Variants in DOCK1 observed in about 807,000 individuals in gnomAD.
DOCK1 encodes the protein dedicator of cytokinesis 1, also known as dedicator of cytokinesis protein 1.
DOCK1 carries 138 observed loss-of-function variants against 262.7 expected under a neutral mutation model. The ratio of observed to expected loss-of-function variants is 0.53; its 90% confidence interval spans 0.46 to 0.61. DOCK1 has a LOEUF of 0.61. Ranked by LOEUF, DOCK1 falls within the 20% of genes least tolerant of loss-of-function variation. DOCK1 has a pLI of 0.00. For missense variants in DOCK1, 1,908 were observed against 2,370.7 expected, an observed-to-expected ratio of 0.80 and a Z score of 4.05; for synonymous variants, 866 against 867.4, an observed-to-expected ratio of 1.00 and a Z score of 0.03.
At chr10:127,046,347 C>T (rs139091522) in intron 21 of DOCK1, among the ~76,000 whole-genome samples, 3 of 152,270 alleles carry the variant, frequency 2.0e-5, no homozygotes, top group East Asian at 1.9e-4. Flanking sequence ...CTGCAGACTT[C>T]GCCTCTTCAG....
intron 21 of DOCK1, among the ~76,000 whole-genome samples, chr10:127,050,120 C>G (rs2044621179): frequency 6.6e-6 from 1 of 151,530 alleles, no homozygotes; most frequent in Non-Finnish European, 1.5e-5. Context: ...TGTATTTTTA[C>G]TAGTCAGATC....
At chr10:127,381,850 A>T (rs1029802811) in intron 37 of DOCK1, among the ~76,000 whole-genome samples, 2 of 152,174 alleles carry the variant, frequency 1.3e-5, no homozygotes, top group Non-Finnish European at 2.9e-5. Flanking sequence ...TGATTCTTCT[A>T]AGGAGTGTTG....
At chr10:127,081,202 A>G (rs1383415051) in intron 23 of DOCK1, among the ~76,000 whole-genome samples, 1 of 152,112 alleles carries the variant, frequency 6.6e-6, no homozygotes, top group East Asian at 1.9e-4. Flanking sequence ...CTTCAAATGC[A>G]GCCATTTGAA....
At chr10:127,094,006 C>G (rs1243924995) in intron 23 of DOCK1, among the ~76,000 whole-genome samples, 5 of 152,212 alleles carry the variant, frequency 3.3e-5, no homozygotes, top group Admixed American at 6.5e-5. Flanking sequence ...CCAGTCCTCC[C>G]TATGTGGCTG....
At chr10:127,245,819 C>T (rs1017729335) in intron 27 of DOCK1, among the ~76,000 whole-genome samples, 2 of 152,154 alleles carry the variant, frequency 1.3e-5, no homozygotes, top group African/African-American at 4.8e-5. Context: ...TTAAGCTAAG[C>T]ACATTGATAC....
intron 21 of DOCK1, among the ~76,000 whole-genome samples, chr10:127,048,128 C>G (rs898218762): frequency 4.6e-5 from 7 of 152,178 alleles, no homozygotes; most frequent in Admixed American, 2.0e-4. Flanking sequence ...TGCATTCCCA[C>G]CAGCAATCTG....
intron 1 of DOCK1, among the ~76,000 whole-genome samples, chr10:126,963,675 C>T (rs1036540193): frequency 8.1e-6 from 1 of 123,822 alleles, no homozygotes; most frequent in Non-Finnish European, 1.7e-5. Context: ...TCCTTCCTCC[C>T]TCCCTTCCTC....
At chr10:127,086,624 ACTG>A (rs1221832549) in intron 23 of DOCK1, among the ~76,000 whole-genome samples, 2 of 152,178 alleles carry the variant, frequency 1.3e-5, no homozygotes, top group Admixed American at 6.5e-5. Flanking sequence ...ATTAAAAAAA[ACTG>A]CTAATATTAT....
At chr10:127,105,916 A>G (rs1421303109) in intron 23 of DOCK1, among the ~76,000 whole-genome samples, 1 of 151,950 alleles carries the variant, frequency 6.6e-6, no homozygotes, top group African/African-American at 2.4e-5. Flanking sequence ...CAAGCCACCA[A>G]TGCCTGGCTA....
At chr10:127,006,323 C>T (rs767020523) in intron 10 of DOCK1, among the ~76,000 whole-genome samples, 53 of 152,346 alleles carry the variant, frequency 3.5e-4, no homozygotes, top group Non-Finnish European at 6.5e-4. Flanking sequence ...AACGCCACTG[C>T]CTCCTTCCTT....
In DOCK1 at chr10:126,934,468, GTAACAC is replaced by G. The variant is rs1259604460; in HGVS notation, c.46+28907_46+28912del. Among the ~76,000 whole-genome samples, 440 of 152,318 alleles carry G rather than the reference GTAACAC, an allele frequency of 2.9e-3. 3 individuals carry two copies. The highest frequency in any genetic ancestry group is 5.6e-3 in the Non-Finnish European group (383 of 68,032). On this transcript the variant is annotated intron_variant, in intron 1 of 51. Coordinates refer to ENST00000623213, the MANE Select transcript of DOCK1 (RefSeq NM_001290223.2). ...CCATTCGACTCACTTTTTCATAATC[GTAACAC>G]TTGGTCGTTTAGAATCCAAAGCTGA...
At chr10:126,941,690 G>T in intron 1 of DOCK1, among the ~76,000 whole-genome samples, 1 of 152,064 alleles carries the variant, frequency 6.6e-6, no homozygotes, top group East Asian at 2.0e-4. Flanking sequence ...GGGAGGCGGA[G>T]CTTGCAGTGA....
chr10:127,070,097 G>T (rs528467705), intron 23 of DOCK1, among the ~76,000 whole-genome samples: 7 of 151,974 alleles, frequency 4.6e-5, no homozygotes, highest in Non-Finnish European at 7.4e-5. Flanking sequence ...CTCTCCCTGT[G>T]TGTCTGTCTT....
chr10:127,318,631 G>A (rs556231088), intron 29 of DOCK1, among the ~76,000 whole-genome samples: 13 of 152,360 alleles, frequency 8.5e-5, no homozygotes, highest in African/African-American at 2.6e-4. Flanking sequence ...TGCTTTGGGT[G>A]TGGCATGGCA....
At chr10:127,362,885 C>CCCCA (rs1565026712) in intron 33 of DOCK1, among the ~76,000 whole-genome samples, 8 of 10,974 alleles carry the variant, frequency 7.3e-4, no homozygotes, top group Admixed American at 8.2e-4. Context: ...ATACACATCC[C>CCCCA]CACACACACA....
chr10:126,990,497 T>C lies in DOCK1; in HGVS notation c.367T>C (p.Tyr123His). Residue 123 changes from tyrosine to histidine, a missense_variant, in exon 6 of 52, where the codon TAT becomes CAT. Physicochemically the swap from Tyr to His is moderately conservative, Grantham distance 83. This residue lies in a region of DOCK1 where 227 missense variants were observed against 254.1 expected (regional missense o/e 0.89). Transcript: ENST00000623213. The stretch of plus-strand genomic sequence containing the variant: ...GTTTCGAAGTGTGCGGCACATGATC[T>C]ATGACCTTATTGAATGGCGATCACA... ...EMFRSVRHMI[Y>H]DLIEWRSQIL... 2 of 1,613,398 alleles carry C rather than the reference T, an allele frequency of 1.2e-6. No individual in the cohort carries two copies. The highest frequency in any genetic ancestry group is 1.7e-6 in the Non-Finnish European group (2 of 1,179,666).
chr10:127,393,764 AC>A (rs1440459027), intron 38 of DOCK1, among the ~76,000 whole-genome samples: 1 of 151,918 alleles, frequency 6.6e-6, no homozygotes, highest in Non-Finnish European at 1.5e-5. Flanking sequence ...TTGCCTTTCC[AC>A]CGTTTTTTAA....
At chr10:127,337,478 G>A (rs538380187) in intron 29 of DOCK1, among the ~76,000 whole-genome samples, 7 of 152,048 alleles carry the variant, frequency 4.6e-5, no homozygotes, top group South Asian at 2.1e-4. Flanking sequence ...CCTGTATTCC[G>A]CTTTTTTTTT....
intron 43 of DOCK1, among the ~76,000 whole-genome samples, chr10:127,413,369 C>A (rs566509970): frequency 1.3e-5 from 2 of 152,286 alleles, no homozygotes; most frequent in Non-Finnish European, 2.9e-5. Context: ...ACAAAGTGTT[C>A]GGAAGCTGCA....
Sources: gnomAD v4.1 joint callset for allele counts (sites outside exome capture counted in the v4.1 genomes callset) on GRCh38, gnomAD v4.1.1 for gene constraint, gnomAD v4.1.1 regional missense constraint, MANE v1.5 for transcripts, NCBI Gene and HGNC (gene_info 2026-07-23, HGNC 2026-07-21) for gene names.